Variants in MUC21 observed in about 807,000 individuals in gnomAD.
MUC21 encodes mucin 21, cell surface associated.
Under a neutral mutation model 9.1 loss-of-function variants are expected in MUC21, and 8 were observed. That is an observed-to-expected ratio of 0.88 (90% confidence interval 0.52 to 1.59). MUC21 has a LOEUF of 1.59. Among genes scored for constraint, MUC21 ranks in the 40% most tolerant of loss-of-function variants. The probability of loss-of-function intolerance (pLI) is 0.00; values close to 1 mark genes in which losing one functional copy is unlikely to be tolerated. For synonymous variants in MUC21, 189 were observed against 275.2 expected (o/e 0.69, Z 3.10); for missense variants, 478 against 694.2 (o/e 0.69, Z 3.50).
chr6:30,989,312 C>G lies in MUC21; in HGVS notation c.*1118C>G, dbSNP rs1762527190. ...AGCCTGTTGCATGGTAAGAGTGATACCATCTTGAAGTGAAACCACCACAAT... is the reference window on the plus strand; with the variant it reads ...AGCCTGTTGCATGGTAAGAGTGATAGCATCTTGAAGTGAAACCACCACAAT... On this transcript the variant is annotated 3_prime_UTR_variant, in exon 3 of 3. Transcript: ENST00000376296. 2 of 152,272 alleles carry G rather than the reference C, an allele frequency of 1.3e-5. No individual in the cohort carries two copies. Among genetic ancestry groups the G allele is most frequent in the South Asian group, 4.1e-4 (2 of 4,824 alleles). 9.4% of individuals were successfully genotyped at this position (152,272 alleles called of 1,614,324 possible). A position where few individuals can be genotyped will look rare whatever the true frequency, so the allele number is the denominator to read the frequency against.
Position 30,988,064 on chromosome 6 carries a change from A to G in MUC21, c.1571A>G (p.His524Arg), listed in dbSNP as rs532785678. 8.9e-6 allele frequency: 14 copies of G among 1,576,502 alleles called. No individual in the cohort carries two copies. In the South Asian group the frequency reaches 1.4e-4, roughly 16 times the overall value. Residue 524 changes from histidine to arginine, a missense_variant, in exon 3 of 3, where the codon CAT becomes CGT. By Grantham distance (29) the His-to-Arg change is conservative. Around this residue, in one of 5 missense-constraint regions of MUC21, gnomAD observed 158 missense variants for 192.6 expected, o/e 0.82. Coordinates refer to ENST00000376296, the MANE Select transcript of MUC21 (RefSeq NM_001010909.5). ...TAVYHPHGLN[H>R]GLGPGPGGNH... is the part of the protein sequence containing the mutation. ...GTCTACCACCCTCATGGCCTCAACC[A>G]TGGCCTTGGTCCAGGCCCTGGAGGG... is the stretch of plus-strand genomic sequence containing the variant.
rs746787592 is a variant in MUC21 at position 30,986,361 on chromosome 6, C to G, written c.186C>G (p.Ile62Met). The G allele has an allele frequency of 2.7e-5, 44 of 1,611,970 alleles. No homozygotes were observed. Among genetic ancestry groups the G allele is most frequent in the Non-Finnish European group, 3.7e-5 (44 of 1,179,006 alleles). ...VTSSGVSTATISGSSVTSNGV... is the reference protein window; with the variant it reads ...VTSSGVSTATMSGSSVTSNGV... Reference sequence around the variant, plus strand: ...CCAGTGGGGTCAGCACAGCCACCATCTCAGGGTCCAGCGTGACCTCCAATG... The same window carrying G: ...CCAGTGGGGTCAGCACAGCCACCATGTCAGGGTCCAGCGTGACCTCCAATG... Residue 62 changes from isoleucine to methionine, a missense_variant, in exon 2 of 3, where the codon ATC (isoleucine) becomes ATG (methionine). Ile to Met is a conservative substitution (Grantham distance 10, BLOSUM62 1). Around this residue, in one of 5 missense-constraint regions of MUC21, gnomAD observed 110 missense variants for 108.3 expected, o/e 1.02. Transcript: ENST00000376296.
rs1230963689 is a variant in MUC21, at chr6:30,988,926, G to A, written c.*732G>A. ...CCCTGAGTGCTCCCTGGTTTCCCAA[G>A]GGAAAGACTTTCTGGCCTGCTGAGG... On this transcript the variant is annotated 3_prime_UTR_variant, in exon 3 of 3. Coordinates refer to ENST00000376296, the MANE Select transcript of MUC21 (RefSeq NM_001010909.5). 6.6e-6 allele frequency: 1 copy of A among 152,190 alleles called. No individual in the cohort carries two copies. Among genetic ancestry groups the A allele is most frequent in the Non-Finnish European group, 1.5e-5 (1 of 68,058 alleles). The allele number at this position is 152,190 out of a possible 1,614,324, so 9.4% of individuals were successfully genotyped here. A position where few individuals can be genotyped will look rare whatever the true frequency, so the allele number is the denominator to read the frequency against.
intron 1 of MUC21, 29 bp from the exon 2 acceptor site, chr6:30,986,207 TA>T: frequency 6.4e-7 from 1 of 1,571,494 alleles, no homozygotes; most frequent in South Asian, 1.2e-5. Context: ...ATACACACAA[TA>T]TATATTTGTC....
intron 1 of MUC21, among the ~76,000 whole-genome samples, chr6:30,984,947 C>G (rs1307587175): frequency 2.6e-5 from 4 of 151,188 alleles, no homozygotes; most frequent in Non-Finnish European, 4.4e-5. Context: ...TATACTCCAG[C>G]CTGGGCGGCA....
Position 30,987,308 on chromosome 6 carries a change from C to G in MUC21, c.1133C>G (p.Ser378Cys). The G allele has an allele frequency of 1.3e-6, 2 of 1,569,312 alleles. No individual in the cohort carries two copies. Among genetic ancestry groups the G allele is most frequent in the Non-Finnish European group, 1.7e-6 (2 of 1,150,946 alleles). Residue 378 changes from serine (S) to cysteine (C), a missense_variant, in exon 2 of 3, where the codon TCT (serine) becomes TGT (cysteine). Physicochemically the swap from Ser to Cys is moderately radical, Grantham distance 112. Coordinates refer to ENST00000376296, the MANE Select transcript of MUC21 (RefSeq NM_001010909.5). ...TSSGTSTATNSESSTVSSGAS... is the reference protein window; with the variant it reads ...TSSGTSTATNCESSTVSSGAS... ...AGTGGGACCAGCACAGCCACCAACTCTGAGTCCAGCACAGTGTCCAGTGGG... is the reference window on the plus strand; with the variant it reads ...AGTGGGACCAGCACAGCCACCAACTGTGAGTCCAGCACAGTGTCCAGTGGG...
At chr6:30,987,935 C>T (rs1762454347) in intron 2 of MUC21, 65 bp from the exon 3 acceptor site, 10 of 982,624 alleles carry the variant, frequency 1.0e-5, no homozygotes, top group Admixed American at 1.8e-5. Flanking sequence ...TTCCAGAAGG[C>T]GTACGTGGTA....
chr6:30,984,073 G>A (rs1762152047), intron 1 of MUC21, 54 bp downstream of exon 1: 2 of 775,874 alleles, frequency 2.6e-6, no homozygotes, highest in Non-Finnish European at 4.8e-6. Context: ...GGAGTTGGGA[G>A]AGAAATGTGA....
intron 1 of MUC21, 127 bp downstream of exon 1, chr6:30,984,146 A>G (rs1762154829): frequency 1.6e-6 from 1 of 644,564 alleles, no homozygotes; most frequent in Non-Finnish European, 2.8e-6. Flanking sequence ...TACTCGAATC[A>G]CTTCAGCCTA....
rs1380844798 is a variant in MUC21, at chr6:30,988,812, T to C, written c.*618T>C. ...GGGGGAGGGGGGAGGGGGGTACGCA[T>C]ATTCACTTGAAGTCGAGGTTCCCAG... is the stretch of plus-strand genomic sequence containing the variant. On this transcript the variant is annotated 3_prime_UTR_variant, in exon 3 of 3. Coordinates refer to ENST00000376296, the MANE Select transcript of MUC21 (RefSeq NM_001010909.5). 3 of 150,430 alleles carry C rather than the reference T, an allele frequency of 2.0e-5. No homozygotes were observed. Among genetic ancestry groups the C allele is most frequent in the Non-Finnish European group, 2.9e-5 (2 of 67,880 alleles). The allele number at this position is 150,430 out of a possible 1,614,324, so 9.3% of individuals were successfully genotyped here. A position where few individuals can be genotyped will look rare whatever the true frequency, so the allele number is the denominator to read the frequency against.
At chr6:30,986,170 T>A (rs1032955430) in intron 1 of MUC21, 67 bp from the exon 2 acceptor site, 1 of 1,353,100 alleles carries the variant, frequency 7.4e-7, no homozygotes, top group African/African-American at 1.5e-5. Context: ...ATGTAATGAA[T>A]TTAGCCAAGC....
rs766326682 is a variant in MUC21 at position 30,984,638 on chromosome 6, C to G, written c.61+619C>G. 3.3e-4 allele frequency among the ~76,000 whole-genome samples: 50 copies of G among 151,636 alleles called. 1 individual carries two copies. The highest frequency in any genetic ancestry group is 5.9e-4 in the Non-Finnish European group (40 of 67,944). On this transcript the variant is annotated intron_variant, in intron 1 of 2. Coordinates refer to ENST00000376296, the MANE Select transcript of MUC21 (RefSeq NM_001010909.5). ...TGAGCCAAGATGGTGCCACTGCACT[C>G]CAGCCTGGGTGACGGAGTGAGACTC...
At position 30,987,239 on chromosome 6, in the gene MUC21, G is replaced by A. The variant is rs139878195; in HGVS notation, c.1064G>A (p.Ser355Asn). 1.2e-3 allele frequency: 1,983 copies of A among 1,588,994 alleles called. 117 individuals are homozygous for A. The highest frequency in any genetic ancestry group is 1.6e-3 in the Non-Finnish European group (1,858 of 1,164,888). Residue 355 changes from serine (S) to asparagine (N), a missense_variant, in exon 2 of 3, where the codon AGT (serine) becomes AAT (asparagine). Around this residue, in one of 5 missense-constraint regions of MUC21, gnomAD observed 155 missense variants for 235.2 expected, o/e 0.66. Transcript: ENST00000376296. Reference protein sequence around the residue: ...ATNSESSTTSSGASTATNSGS... With the variant: ...ATNSESSTTSNGASTATNSGS... ...AACTCTGAGTCCAGCACAACCTCCA[G>A]TGGGGCCAGCACAGCCACCAACTCT...
At chr6:30,984,746 G>A (rs1039865427) in intron 1 of MUC21, among the ~76,000 whole-genome samples, 1 of 151,916 alleles carries the variant, frequency 6.6e-6, no homozygotes, top group Non-Finnish European at 1.5e-5. Context: ...AGGCCAAGGC[G>A]GGTGGATGTC....
chr6:30,984,970 G>A (rs541407317), intron 1 of MUC21, among the ~76,000 whole-genome samples: 61 of 139,582 alleles, frequency 4.4e-4, no homozygotes, highest in South Asian at 9.1e-4. Flanking sequence ...GCAAGACTCC[G>A]TCTCAAAAAC....
In MUC21 at chr6:30,986,368, T is replaced by A. The variant is rs1033803246; in HGVS notation, c.193T>A (p.Ser65Thr). 5 of 1,611,352 alleles carry A rather than the reference T, an allele frequency of 3.1e-6. No individual in the cohort carries two copies. The highest frequency in any genetic ancestry group is 4.2e-6 in the Non-Finnish European group (5 of 1,178,960). ...SGVSTATISGSSVTSNGVSIV... is the reference protein window; with the variant it reads ...SGVSTATISGTSVTSNGVSIV... Reference sequence around the variant, plus strand: ...GGTCAGCACAGCCACCATCTCAGGGTCCAGCGTGACCTCCAATGGGGTCAG... The same window carrying A: ...GGTCAGCACAGCCACCATCTCAGGGACCAGCGTGACCTCCAATGGGGTCAG... Residue 65 changes from serine to threonine, a missense_variant, in exon 2 of 3, where the codon TCC becomes ACC. Physicochemically the swap from Ser to Thr is moderately conservative, Grantham distance 58 (BLOSUM62 1). This residue lies in a region of MUC21 where 110 missense variants were observed against 108.3 expected (regional missense o/e 1.02). Coordinates refer to ENST00000376296, the MANE Select transcript of MUC21 (RefSeq NM_001010909.5).
At position 30,989,890 on chromosome 6, in the gene MUC21, TTC is replaced by T. The variant is rs1344743647; in HGVS notation, c.*1700_*1701del. On this transcript the variant is annotated 3_prime_UTR_variant, in exon 3 of 3. Transcript: ENST00000376296. ...CTCTTTGGAAGACTCCATTAAATAT[TTC>T]TCTGTGAGAAACTGGATTTGTCAGT... The T allele has an allele frequency of 6.6e-6, 1 of 152,238 alleles. No individual in the cohort carries two copies. Among genetic ancestry groups the T allele is most frequent in the African/African-American group, 2.4e-5 (1 of 41,454 alleles). The allele number at this position is 152,238 out of a possible 1,614,324, so 9.4% of individuals were successfully genotyped here.
chr6:30,989,618 A>T lies in MUC21; in HGVS notation c.*1424A>T, dbSNP rs1249670241. Reference sequence around the variant, plus strand: ...GGTGTGAGCCACTGCACCTCGCCAGATGTCCAATGTCTGACTCCTGCATAC... The same window carrying T: ...GGTGTGAGCCACTGCACCTCGCCAGTTGTCCAATGTCTGACTCCTGCATAC... On this transcript the variant is annotated 3_prime_UTR_variant, in exon 3 of 3. Coordinates refer to ENST00000376296, the MANE Select transcript of MUC21 (RefSeq NM_001010909.5). The T allele has an allele frequency of 6.6e-6, 1 of 152,220 alleles. No individual in the cohort carries two copies. Among genetic ancestry groups the T allele is most frequent in the Non-Finnish European group, 1.5e-5 (1 of 68,038 alleles). 9.4% of individuals were successfully genotyped at this position (152,220 alleles called of 1,614,324 possible).
chr6:30,986,683 T>A lies in MUC21; in HGVS notation c.508T>A (p.Ser170Thr), dbSNP rs1201663247. ...SEASTATNSESSTTSSGASTA... is the reference protein window; with the variant it reads ...SEASTATNSETSTTSSGASTA... ...GGCCAGCACAGCCACCAACTCTGAG[T>A]CCAGCACAACCTCCAGTGGGGCCAG... The change falls in exon 2 of 3, where the codon TCC becomes ACC. Residue 170 changes from serine to threonine, a missense_variant. Coordinates refer to ENST00000376296, the MANE Select transcript of MUC21 (RefSeq NM_001010909.5). 6.3e-7 allele frequency: 1 copy of A among 1,583,436 alleles called. No individual in the cohort carries two copies. Among genetic ancestry groups the A allele is most frequent in the African/African-American group, 1.4e-5 (1 of 72,966 alleles).
Sources: gnomAD v4.1 joint callset for allele counts (sites outside exome capture counted in the v4.1 genomes callset) on GRCh38, gnomAD v4.1.1 for gene constraint, gnomAD v4.1.1 regional missense constraint, MANE v1.5 for transcripts, NCBI Gene and HGNC (gene_info 2026-07-23, HGNC 2026-07-21) for gene names.